Variants in CCDC158 observed in about 807,000 individuals in gnomAD.
The protein encoded by CCDC158 is coiled-coil domain-containing protein 158.
In CCDC158, 116 loss-of-function variants were observed where a neutral mutation model predicts 138.6. The observed-to-expected ratio is 0.84, with a 90% CI of 0.72 to 0.98. CCDC158 has a LOEUF of 0.98. Among genes scored for constraint, CCDC158 ranks in the 50% least tolerant of loss-of-function variants. The pLI is 0.00. For synonymous variants in CCDC158, 436 were observed against 442.4 expected, an observed-to-expected ratio of 0.99 and a Z score of 0.18; for missense variants, 1,265 against 1,306.1, an observed-to-expected ratio of 0.97 and a Z score of 0.48.
intron 2 of CCDC158, among the ~76,000 whole-genome samples, chr4:76,404,891 G>A (rs185256040): frequency 0.029 from 4,420 of 151,964 alleles, 210 homozygotes; most frequent in African/African-American, 0.1. Flanking sequence ...ACAAAAAAAA[G>A]GAGTGAGAGA....
chr4:76,398,843 G>C (rs1470606431), intron 3 of CCDC158, among the ~76,000 whole-genome samples: 5 of 152,020 alleles, frequency 3.3e-5, no homozygotes, highest in Non-Finnish European at 7.4e-5. Flanking sequence ...CATACAGAGA[G>C]AGAGAGAGAG....
intron 13 of CCDC158, among the ~76,000 whole-genome samples, chr4:76,359,139 G>A (rs1299968797): frequency 6.6e-6 from 1 of 152,004 alleles, no homozygotes; most frequent in East Asian, 1.9e-4. Context: ...GTGAAGATGT[G>A]CTTGTTTCCC....
chr4:76,367,888 T>G, intron 11 of CCDC158, 112 bp from the exon 12 acceptor site: 1 of 1,025,144 alleles, frequency 9.8e-7, no homozygotes, highest in Admixed American at 3.7e-5. Flanking sequence ...CAATGTTTAG[T>G]AAGATCTTTT....
At position 76,326,163 on chromosome 4, in the gene CCDC158, T is replaced by A. The variant is rs564088211; in HGVS notation, c.3011-148A>T. 2.6e-5 allele frequency: 17 copies of A among 660,170 alleles called. No individual in the cohort carries two copies. In the Admixed American group the frequency reaches 5.1e-4, roughly 20 times the overall value. The allele number at this position is 660,170 out of a possible 1,614,324, so 40.9% of individuals were successfully genotyped here. ...CTTCTAAATACCCAAGATTTGGGGT[T>A]GGAACTGAAAAGGGTTACGCCTTGG... On this transcript the variant is annotated intron_variant, in intron 22 of 24. Coordinates refer to ENST00000682701, the MANE Select transcript of CCDC158 (RefSeq NM_001394954.1).
intron 17 of CCDC158, among the ~76,000 whole-genome samples, chr4:76,351,500 CACCTATTTTAAACTA>C (rs1560410046): frequency 6.6e-6 from 1 of 151,760 alleles, no homozygotes; most frequent in Non-Finnish European, 1.5e-5. Context: ...ATTTTAAACT[CACCTATTTTAAACTA>C]AGGATAGTGG....
rs780545284 is a variant in CCDC158 at position 76,369,628 on chromosome 4, A to C, written c.1150-5T>G. 6.2e-7 allele frequency: 1 copy of C among 1,604,356 alleles called. No individual in the cohort carries two copies. On this transcript the variant is annotated splice_polypyrimidine_tract_variant and splice_region_variant and intron_variant, in intron 10 of 24. Transcript: ENST00000682701. ...CTCCCTTTTGTGTAGATCAGCCTAA[A>C]AAAAGAGAGGAATGCTTTTTTCCTC...
intron 18 of CCDC158, chr4:76,345,169 A>G: frequency 9.9e-7 from 1 of 1,008,900 alleles, no homozygotes; most frequent in Non-Finnish European, 1.6e-6. Context: ...ATCAAAAAGT[A>G]CCTATTGAAG....
rs545357328 is a variant in CCDC158 at position 76,367,553 on chromosome 4, G to A, written c.1571C>T (p.Ser524Phe). 6.2e-7 allele frequency: 1 copy of A among 1,614,220 alleles called. No homozygotes were observed. The highest frequency in any genetic ancestry group is 1.1e-5 in the South Asian group (1 of 91,076). Residue 524 changes from serine (S) to phenylalanine (F), a missense_variant, in exon 12 of 25, where the codon TCC (serine) becomes TTC (phenylalanine). Coordinates refer to ENST00000682701, the MANE Select transcript of CCDC158 (RefSeq NM_001394954.1). ...ATNAEITKLR[S>F]RVDLKLQELQ... ...CTCCTGCAATTTCAAGTCCACCCGG[G>A]AGCGGAGCTTTGTGATCTCTGCATT...
At position 76,342,722 on chromosome 4, in the gene CCDC158, T is replaced by C. The variant is rs190589874; in HGVS notation, c.2664+8274A>G. 2.0e-3 allele frequency among the ~76,000 whole-genome samples: 310 copies of C among 152,308 alleles called. 1 individual carries two copies. The highest frequency in any genetic ancestry group is 6.8e-3 in the African/African-American group (284 of 41,560). On this transcript the variant is annotated intron_variant, in intron 18 of 24. Transcript: ENST00000682701. Reference sequence around the variant, plus strand: ...AGGACAGATAATAATAGATTAGTAATGCTAACAAAATTTTGGGAGATGGCA... The same window carrying C: ...AGGACAGATAATAATAGATTAGTAACGCTAACAAAATTTTGGGAGATGGCA...
chr4:76,371,824 G>A (rs1579005070), intron 9 of CCDC158, among the ~76,000 whole-genome samples: 1 of 151,990 alleles, frequency 6.6e-6, no homozygotes. Flanking sequence ...TGTAATCCCA[G>A]CTACTTGGGA....
chr4:76,399,337 G>A (rs1728124194), intron 3 of CCDC158, among the ~76,000 whole-genome samples: 1 of 152,144 alleles, frequency 6.6e-6, no homozygotes, highest in Middle Eastern at 3.2e-3. Flanking sequence ...AGAGCATCAG[G>A]ATACATGGCT....
At chr4:76,361,252 C>T (rs968538542) in intron 13 of CCDC158, among the ~76,000 whole-genome samples, 2 of 152,184 alleles carry the variant, frequency 1.3e-5, no homozygotes, top group Non-Finnish European at 2.9e-5. Context: ...GTCAATTAAA[C>T]CTCTTTTCTT....
At chr4:76,317,220 T>G (rs529652557) in intron 24 of CCDC158, among the ~76,000 whole-genome samples, 1 of 152,248 alleles carries the variant, frequency 6.6e-6, no homozygotes, top group East Asian at 1.9e-4. Context: ...ACCAAGTATC[T>G]GCTGTCTTCA....
chr4:76,412,792 T>C (rs569797482), intron 1 of CCDC158, among the ~76,000 whole-genome samples: 1 of 152,294 alleles, frequency 6.6e-6, no homozygotes, highest in Admixed American at 6.5e-5. Flanking sequence ...ATCTAAATCA[T>C]GTTTTTACAA....
intron 18 of CCDC158, chr4:76,344,770 C>T: frequency 6.2e-7 from 1 of 1,610,694 alleles, no homozygotes; most frequent in Non-Finnish European, 8.5e-7. Flanking sequence ...CTTATTATTC[C>T]ACCTGCTGCT....
At chr4:76,384,769 C>G in intron 4 of CCDC158, 104 bp from the exon 5 acceptor site, 1 of 746,880 alleles carries the variant, frequency 1.3e-6, no homozygotes, top group South Asian at 1.8e-5. Context: ...ATTTTTATGT[C>G]TACTTCCTTC....
chr4:76,387,821 T>TAAAAA lies in CCDC158; in HGVS notation c.289-3161_289-3157dup, dbSNP rs57778797. Among the ~76,000 whole-genome samples the TAAAAA allele has an allele frequency of 1.5e-4, 16 of 104,014 alleles. 1 individual carries two copies. Among genetic ancestry groups the TAAAAA allele is most frequent in the African/African-American group, 5.4e-4 (14 of 26,016 alleles). The allele number at this position is 104,014 out of a possible 152,430, so 68.2% of individuals were successfully genotyped here. ...CTGGGCGACAGAGACAGACTACAAC[T>TAAAAA]AAAAAAAAAAAAAAAAAAATCAAAC... On this transcript the variant is annotated intron_variant, in intron 4 of 24. Coordinates refer to ENST00000682701, the MANE Select transcript of CCDC158 (RefSeq NM_001394954.1).
At chr4:76,347,970 C>T (rs1722718068) in intron 18 of CCDC158, among the ~76,000 whole-genome samples, 1 of 152,092 alleles carries the variant, frequency 6.6e-6, no homozygotes. Context: ...GGCAATTTAT[C>T]AACAACAGAA....
chr4:76,380,731 G>A (rs894353893), intron 8 of CCDC158, among the ~76,000 whole-genome samples: 1 of 152,202 alleles, frequency 6.6e-6, no homozygotes, highest in African/African-American at 2.4e-5. Flanking sequence ...CAAGACAATG[G>A]GGAAAATGTC....
Sources: allele counts gnomAD v4.1 joint callset (sites outside exome capture counted in the v4.1 genomes callset), GRCh38; gene constraint gnomAD v4.1.1; transcripts MANE v1.5; gene names NCBI Gene and HGNC (gene_info 2026-07-23, HGNC 2026-07-21).